Variants in TTLL5 observed in about 807,000 individuals in gnomAD.
The protein encoded by TTLL5 is tubulin tyrosine ligase like 5.
In TTLL5, 132 loss-of-function variants were observed where a neutral mutation model predicts 168.4. The observed-to-expected ratio is 0.78, with a 90% CI of 0.68 to 0.91. The LOEUF is 0.91. TTLL5 is among the 40% of genes least tolerant of loss of function. TTLL5 has a pLI of 0.00. For synonymous variants in TTLL5, 546 were observed against 558.6 expected (o/e 0.98, Z 0.32); for missense variants, 1,545 against 1,581.5 (o/e 0.98, Z 0.39).
intron 28 of TTLL5, among the ~76,000 whole-genome samples, chr14:75,848,345 T>C (rs1896668476): frequency 6.6e-6 from 1 of 152,098 alleles, no homozygotes; most frequent in African/African-American, 2.4e-5. Flanking sequence ...GCATGTCAGC[T>C]GCCCTAGACA....
intron 29 of TTLL5, among the ~76,000 whole-genome samples, chr14:75,864,336 A>G (rs1419078517): frequency 1.3e-5 from 2 of 152,178 alleles, no homozygotes; most frequent in South Asian, 2.1e-4. Flanking sequence ...TCTGGTGGGA[A>G]ATGGACATAT....
intron 17 of TTLL5, among the ~76,000 whole-genome samples, chr14:75,749,996 T>C (rs1370106992): frequency 6.6e-6 from 1 of 152,122 alleles, no homozygotes. Flanking sequence ...TTGTATAGCT[T>C]TTTGTAATTT....
chr14:75,886,736 G>C, intron 30 of TTLL5: 1 of 1,597,826 alleles, frequency 6.3e-7, no homozygotes, highest in Non-Finnish European at 8.5e-7. Flanking sequence ...ACTATTTGTG[G>C]TATTTCTTCC....
chr14:75,757,432 T>C (rs901599869), intron 18 of TTLL5, among the ~76,000 whole-genome samples: 1 of 152,202 alleles, frequency 6.6e-6, no homozygotes, highest in Non-Finnish European at 1.5e-5. Flanking sequence ...GAGGCTCAGA[T>C]GTAAGCCCTT....
intron 30 of TTLL5, among the ~76,000 whole-genome samples, chr14:75,893,805 G>A (rs1210309657): frequency 4.0e-5 from 5 of 123,986 alleles, no homozygotes; most frequent in Admixed American, 9.8e-5. Flanking sequence ...GCAACAGAGC[G>A]AGACTCCATC....
intron 26 of TTLL5, among the ~76,000 whole-genome samples, chr14:75,788,504 G>A (rs1892511061): frequency 6.6e-6 from 1 of 151,958 alleles, no homozygotes; most frequent in African/African-American, 2.4e-5. Flanking sequence ...AAAATTGAAA[G>A]CTTACATAAA....
intron 9 of TTLL5, chr14:75,711,597 G>A (rs556744291): frequency 2.6e-5 from 4 of 152,162 alleles, no homozygotes; most frequent in Non-Finnish European, 4.4e-5. Context: ...CTAGCAACTT[G>A]GGGGGCATGC....
chr14:75,844,619 A>G (rs908120691), intron 28 of TTLL5, among the ~76,000 whole-genome samples: 5 of 152,180 alleles, frequency 3.3e-5, no homozygotes, highest in Non-Finnish European at 5.9e-5. Context: ...ACAGGTTGCT[A>G]TGAAGGCTAA....
chr14:75,889,709 G>C (rs141234479), intron 30 of TTLL5, among the ~76,000 whole-genome samples: 1 of 151,732 alleles, frequency 6.6e-6, no homozygotes, highest in East Asian at 1.9e-4. Context: ...TGGCTCCTGT[G>C]GTCCCAGCTA....
At chr14:75,699,131 C>G (rs548337206) in intron 6 of TTLL5, 57 bp from the exon 7 acceptor site, 3 of 1,471,808 alleles carry the variant, frequency 2.0e-6, no homozygotes, top group Admixed American at 1.7e-5. Context: ...ATAATAAACT[C>G]AAGTTCATTC....
chr14:75,906,075 TCTGA>T (rs1234056490), intron 31 of TTLL5, among the ~76,000 whole-genome samples: 1 of 152,220 alleles, frequency 6.6e-6, no homozygotes, highest in Non-Finnish European at 1.5e-5. Flanking sequence ...TCAGTGTGAC[TCTGA>T]CTGCCCACTT....
intron 21 of TTLL5, among the ~76,000 whole-genome samples, chr14:75,774,529 G>T (rs773528747): frequency 1.3e-5 from 2 of 151,938 alleles, no homozygotes; most frequent in Admixed American, 1.3e-4. Flanking sequence ...ATGTCTTCTT[G>T]TACTCTCTTT....
chr14:75,900,108 G>A (rs1238102196), intron 30 of TTLL5, among the ~76,000 whole-genome samples: 1 of 152,110 alleles, frequency 6.6e-6, no homozygotes, highest in Non-Finnish European at 1.5e-5. Context: ...ACTTGGACAT[G>A]GAAGAGCAAA....
chr14:75,946,065 C>T (rs1004927699), intron 31 of TTLL5, among the ~76,000 whole-genome samples: 3 of 152,154 alleles, frequency 2.0e-5, no homozygotes, highest in African/African-American at 7.2e-5. Flanking sequence ...CACTAGTAGA[C>T]CTTTGCCAAG....
chr14:75,888,925 G>T (rs1041831101), intron 30 of TTLL5, among the ~76,000 whole-genome samples: 1 of 83,824 alleles, frequency 1.2e-5, no homozygotes, highest in Non-Finnish European at 2.3e-5. Flanking sequence ...AACAGAGAGA[G>T]ACTGTCTCCG....
At chr14:75,705,866 T>C (rs1324198083) in intron 7 of TTLL5, among the ~76,000 whole-genome samples, 1 of 152,278 alleles carries the variant, frequency 6.6e-6, no homozygotes, top group East Asian at 1.9e-4. Flanking sequence ...TTTTTTTTTT[T>C]CTCCCAGATA....
Position 75,954,548 on chromosome 14 carries a change from T to G in TTLL5, c.*102T>G, listed in dbSNP as rs559854093. ...CAAGGGGTCCATAGTATTTTTTTTT[T>G]TGCTGCCTCAAAGTCCCCAAAGCCT... On this transcript the variant is annotated 3_prime_UTR_variant, in exon 32 of 32. Transcript: ENST00000298832. 4 of 1,383,896 alleles carry G rather than the reference T, an allele frequency of 2.9e-6. No individual in the cohort carries two copies. The South Asian group carries it at 3.8e-5, about 13-fold the overall frequency. The allele number at this position is 1,383,896 out of a possible 1,614,324, so 85.7% of individuals were successfully genotyped here.
intron 31 of TTLL5, 65 bp downstream of exon 31, chr14:75,902,289 T>G: frequency 1.3e-6 from 2 of 1,526,678 alleles, no homozygotes; most frequent in South Asian, 1.1e-5. Context: ...CTTGGCACAT[T>G]CTCTCTTCTG....
intron 27 of TTLL5, among the ~76,000 whole-genome samples, chr14:75,813,922 C>T (rs1419501217): frequency 6.6e-6 from 1 of 151,948 alleles, no homozygotes; most frequent in Non-Finnish European, 1.5e-5. Flanking sequence ...GGTTGGCAAG[C>T]CTAGATTTAA....
Sources: gnomAD v4.1 joint callset for allele counts (sites outside exome capture counted in the v4.1 genomes callset) on GRCh38, gnomAD v4.1.1 for gene constraint, MANE v1.5 for transcripts, NCBI Gene and HGNC (gene_info 2026-07-23, HGNC 2026-07-21) for gene names.